Variants in ITPK1 observed in about 807,000 individuals in gnomAD.
The protein encoded by ITPK1 is inositol 1,3,4-trisphosphate 5/6-kinase.
A neutral mutation model predicts 45.3 loss-of-function variants in ITPK1; 21 were observed. The observed-to-expected ratio is 0.46, with a 90% CI of 0.33 to 0.67. The LOEUF (loss-of-function observed/expected upper bound fraction) is 0.67, where lower values mean the gene tolerates loss of function less well. Ranked by LOEUF, ITPK1 falls within the 30% of genes least tolerant of loss-of-function variation. The probability of loss-of-function intolerance (pLI) is 0.02; values close to 1 mark genes in which losing one functional copy is unlikely to be tolerated. For missense variants in ITPK1, 474 were observed against 573.5 expected, an observed-to-expected ratio of 0.83 and a Z score of 1.77; for synonymous variants, 258 against 253.6, an observed-to-expected ratio of 1.02 and a Z score of -0.16.
chr14:93,065,010 G>C (rs949027004), intron 3 of ITPK1, among the ~76,000 whole-genome samples: 5 of 152,122 alleles, frequency 3.3e-5, no homozygotes, highest in African/African-American at 4.8e-5. Context: ...TAGGGTCAGG[G>C]GTCAGCACTC....
In ITPK1 at chr14:92,946,362, C is replaced by A. The variant is rs949143885; in HGVS notation, c.870G>T (p.Gln290His). 2.5e-6 allele frequency: 4 copies of A among 1,613,310 alleles called. No homozygotes were observed. The highest frequency in any genetic ancestry group is 1.1e-5 in the South Asian group (1 of 91,096). Residue 290 changes from glutamine to histidine, a missense_variant, in exon 10 of 11, where the codon CAG becomes CAT. Physicochemically the swap from Gln to His is conservative, Grantham distance 24. This residue lies in a region of ITPK1 where 367 missense variants were observed against 480.6 expected (regional missense o/e 0.76). Transcript: ENST00000267615. ...IDIIINNQTG[Q>H]HAVIDINAFP... ...AGGCATTGATGTCAATGACGGCGTG[C>A]TGCCCTGTCTGGTTGTTGATGATGA...
chr14:93,011,581 A>G (rs922972669), intron 4 of ITPK1, among the ~76,000 whole-genome samples: 3 of 152,188 alleles, frequency 2.0e-5, no homozygotes, highest in African/African-American at 7.2e-5. Flanking sequence ...AGGAGCCAGG[A>G]GGTGAGTGCA....
At chr14:92,998,670 C>T (rs140982224) in intron 4 of ITPK1, among the ~76,000 whole-genome samples, 321 of 152,250 alleles carry the variant, frequency 2.1e-3, no homozygotes, top group Non-Finnish European at 3.8e-3. Context: ...TTTCCCATAA[C>T]ACAAAGTTTG....
At chr14:93,026,571 A>G (rs1888740151) in intron 3 of ITPK1, among the ~76,000 whole-genome samples, 2 of 152,240 alleles carry the variant, frequency 1.3e-5, no homozygotes, top group African/African-American at 4.8e-5. Context: ...AATATCCATC[A>G]CAATATAAAT....
intron 2 of ITPK1, among the ~76,000 whole-genome samples, chr14:93,077,630 C>T (rs1239179993): frequency 1.3e-5 from 2 of 152,198 alleles, no homozygotes; most frequent in Non-Finnish European, 2.9e-5. Context: ...CCCCATCCCA[C>T]ATTTCTTACT....
rs1441612647 is a variant in ITPK1, at chr14:93,080,339, A to G, written c.96-3720T>C. ...CTGTGTCCCCTCATACATTGCTTCA[A>G]TGTTGTGCCATGTGCCTATAACATG... On this transcript the variant is annotated intron_variant, in intron 2 of 10. Coordinates refer to ENST00000267615, the MANE Select transcript of ITPK1 (RefSeq NM_014216.6). Among the ~76,000 whole-genome samples, 3 of 152,202 alleles carry G rather than the reference A, an allele frequency of 2.0e-5. No homozygotes were observed. In the East Asian group the frequency reaches 5.8e-4, roughly 29 times the overall value.
intron 4 of ITPK1, among the ~76,000 whole-genome samples, chr14:92,995,612 A>G (rs935359238): frequency 1.3e-5 from 2 of 152,094 alleles, no homozygotes; most frequent in African/African-American, 4.8e-5. Flanking sequence ...GAGGCCTCGC[A>G]TTCCAGTCCT....
chr14:92,995,236 A>G (rs1267607300), intron 4 of ITPK1, among the ~76,000 whole-genome samples: 5 of 152,122 alleles, frequency 3.3e-5, no homozygotes, highest in Non-Finnish European at 4.4e-5. Context: ...GGCAGCAGAC[A>G]TGCCAGCGTG....
intron 3 of ITPK1, among the ~76,000 whole-genome samples, chr14:93,041,006 T>C (rs1373490435): frequency 6.6e-6 from 1 of 152,176 alleles, no homozygotes; most frequent in Non-Finnish European, 1.5e-5. Context: ...AGCAGAAGTG[T>C]AACTCTACCA....
chr14:92,949,250 C>T (rs912455146), intron 9 of ITPK1, among the ~76,000 whole-genome samples: 3 of 152,164 alleles, frequency 2.0e-5, no homozygotes, highest in Admixed American at 6.5e-5. Flanking sequence ...AGCAACACTA[C>T]GCCCTGCTAA....
chr14:92,992,371 A>G (rs1886830092), intron 5 of ITPK1, among the ~76,000 whole-genome samples: 1 of 152,246 alleles, frequency 6.6e-6, no homozygotes, highest in Admixed American at 6.5e-5. Context: ...CTTTCTTCCC[A>G]TCTGGGATTC....
chr14:93,022,230 G>A (rs540693430), intron 3 of ITPK1, among the ~76,000 whole-genome samples: 5 of 152,346 alleles, frequency 3.3e-5, no homozygotes, highest in African/African-American at 9.6e-5. Flanking sequence ...CCACTCCCAG[G>A]ATGCTGGCCT....
intron 3 of ITPK1, among the ~76,000 whole-genome samples, chr14:93,042,950 G>A (rs536529491): frequency 7.9e-5 from 12 of 152,196 alleles, no homozygotes; most frequent in South Asian, 4.2e-4. Flanking sequence ...CCCAGGAGGC[G>A]GAGGTTGTAG....
At chr14:93,071,756 T>C (rs1020847679) in intron 3 of ITPK1, 4 of 152,228 alleles carry the variant, frequency 2.6e-5, no homozygotes, top group African/African-American at 9.6e-5. Context: ...GAGATGTTTA[T>C]ACTATCACAG....
At chr14:92,957,321 T>A (rs1884790971) in intron 8 of ITPK1, among the ~76,000 whole-genome samples, 1 of 152,240 alleles carries the variant, frequency 6.6e-6, no homozygotes. Flanking sequence ...AGGGTCCTCC[T>A]GGAAAGCTAC....
intron 3 of ITPK1, chr14:93,068,968 G>A (rs1035431131): frequency 6.6e-6 from 1 of 152,326 alleles, no homozygotes; most frequent in Non-Finnish European, 1.5e-5. Flanking sequence ...CCTCCCTGGC[G>A]GCTGCTCCTC....
chr14:93,111,668 G>A (rs536161664), intron 2 of ITPK1, among the ~76,000 whole-genome samples: 4 of 144,990 alleles, frequency 2.8e-5, no homozygotes, highest in East Asian at 4.2e-4. Flanking sequence ...CCGAGATTGC[G>A]CCACTGCACT....
chr14:93,021,407 C>T (rs1888452558), intron 3 of ITPK1, among the ~76,000 whole-genome samples: 1 of 152,040 alleles, frequency 6.6e-6, no homozygotes, highest in Admixed American at 6.5e-5. Context: ...GCCTGGCCAA[C>T]ATGGTGAAAC....
intron 2 of ITPK1, among the ~76,000 whole-genome samples, chr14:93,091,317 C>T (rs551696092): frequency 1.6e-4 from 24 of 152,316 alleles, no homozygotes; most frequent in Non-Finnish European, 2.6e-4. Flanking sequence ...AAGCCAACAA[C>T]GGCGCCAGGG....
Sources: allele counts gnomAD v4.1 joint callset (sites outside exome capture counted in the v4.1 genomes callset), GRCh38; gene constraint gnomAD v4.1.1; regional missense constraint gnomAD v4.1.1; transcripts MANE v1.5; gene names NCBI Gene and HGNC (gene_info 2026-07-23, HGNC 2026-07-21).